CD1B: variants seen among roughly 807,000 people sequenced by gnomAD.
CD1B encodes the protein T-cell surface glycoprotein CD1b.
CD1B carries 43 observed loss-of-function variants against 39.8 expected under a neutral mutation model. The observed-to-expected ratio is 1.08, with a 90% CI of 0.85 to 1.39. The LOEUF (loss-of-function observed/expected upper bound fraction) is 1.39. Among genes scored for constraint, CD1B ranks in the 40% most tolerant of loss-of-function variants. CD1B has a pLI of 0.00. For synonymous variants in CD1B, 192 were observed against 152.5 expected (o/e 1.26, Z -1.91); for missense variants, 495 against 403.8 (o/e 1.23, Z -1.94).
At chr1:158,312,335 C>G in the CD1B span, among the ~76,000 whole-genome samples, 4 of 152,310 alleles carry the variant, frequency 2.6e-5, no homozygotes, top group Admixed American at 6.5e-5. Flanking sequence ...ACTCTCTTCT[C>G]TCTTGCTGCT....
intron 2 of CD1B, 166 bp downstream of exon 2, chr1:158,330,629 AG>A: frequency 1.3e-6 from 1 of 765,882 alleles, no homozygotes; most frequent in Non-Finnish European, 2.4e-6. Context: ...CTGAAATATG[AG>A]GTGTGATGGT....
the CD1B span, among the ~76,000 whole-genome samples, chr1:158,300,470 G>C: frequency 2.6e-5 from 4 of 152,178 alleles, no homozygotes; most frequent in Non-Finnish European, 5.9e-5. Flanking sequence ...ATTTGGGGTA[G>C]AGAGTACCGT....
chr1:158,288,596 T>C, the CD1B span, among the ~76,000 whole-genome samples: 1 of 152,240 alleles, frequency 6.6e-6, no homozygotes, highest in South Asian at 2.1e-4. Context: ...TCTAACTTTG[T>C]TGCCCAGGCT....
chr1:158,291,148 GTC>G, the CD1B span: 1 of 1,607,060 alleles, frequency 6.2e-7, no homozygotes, highest in South Asian at 1.1e-5. Context: ...CCAGGAACAC[GTC>G]TCCTTCCATG....
chr1:158,297,671 A>T, the CD1B span, among the ~76,000 whole-genome samples: 1 of 152,200 alleles, frequency 6.6e-6, no homozygotes, highest in Non-Finnish European at 1.5e-5. Flanking sequence ...ACCCTGGCTC[A>T]TGCCTGTAAT....
At chr1:158,293,575 G>T in the CD1B span, 1 of 1,613,426 alleles carries the variant, frequency 6.2e-7, no homozygotes. Context: ...CATTTAAATT[G>T]TTTCTCTTTC....
chr1:158,312,868 G>C, the CD1B span, among the ~76,000 whole-genome samples: 10 of 152,156 alleles, frequency 6.6e-5, no homozygotes. Context: ...ACCCTGGCTA[G>C]GAGTTCCAGT....
At chr1:158,320,038 T>C in the CD1B span, among the ~76,000 whole-genome samples, 1 of 152,236 alleles carries the variant, frequency 6.6e-6, no homozygotes, top group African/African-American at 2.4e-5. Context: ...TCCAGCTGCG[T>C]ACTGGGAGAA....
the CD1B span, among the ~76,000 whole-genome samples, chr1:158,305,380 G>A: frequency 0.38 from 57,089 of 151,320 alleles, 12,781 homozygotes; most frequent in African/African-American, 0.63. Context: ...AAGTTTAGAC[G>A]AAAAAGAATA....
rs774570127 is a variant in CD1B at position 158,330,061 on chromosome 1, C to G, written c.398G>C (p.Arg133Thr). Residue 133 changes from arginine (R) to threonine (T), a missense_variant, in exon 3 of 6, where the codon AGG becomes ACG. By Grantham distance (71) the Arg-to-Thr change is moderately conservative. Coordinates refer to ENST00000368168, the MANE Select transcript of CD1B (RefSeq NM_001764.3). ...HSGGAIVSFLRGALGGLDFLS... is the reference protein window; with the variant it reads ...HSGGAIVSFLTGALGGLDFLS... Reference sequence around the variant, plus strand: ...GAAATCCAATCCTCCTAGAGCTCCCCTCAGGAAGCTTACTATGGCACCTCC... The same window carrying G: ...GAAATCCAATCCTCCTAGAGCTCCCGTCAGGAAGCTTACTATGGCACCTCC... 6 of 1,613,760 alleles carry G rather than the reference C, an allele frequency of 3.7e-6. No homozygotes were observed. The South Asian group carries it at 6.6e-5, about 18-fold the overall frequency.
chr1:158,300,393 C>T, the CD1B span, among the ~76,000 whole-genome samples: 116 of 152,268 alleles, frequency 7.6e-4, no homozygotes, highest in Non-Finnish European at 1.2e-3. Context: ...GAGTGCTTTA[C>T]TTCCAATTTT....
downstream of CD1B, among the ~76,000 whole-genome samples, chr1:158,326,655 A>G (rs1023257912): frequency 5.3e-5 from 8 of 152,190 alleles, no homozygotes; most frequent in Admixed American, 3.9e-4. Flanking sequence ...TTACAGAAAG[A>G]CATGTTGAAA....
chr1:158,288,377 A>C, the CD1B span, among the ~76,000 whole-genome samples: 6 of 152,226 alleles, frequency 3.9e-5, no homozygotes, highest in Non-Finnish European at 7.3e-5. Context: ...AATTTAAAAC[A>C]GAAACAATGT....
downstream of CD1B, among the ~76,000 whole-genome samples, chr1:158,327,687 G>A (rs1281602145): frequency 4.6e-5 from 7 of 152,190 alleles, no homozygotes; most frequent in Non-Finnish European, 1.0e-4. Context: ...AATGCTGTGA[G>A]TAAAGTGTAA....
Position 158,329,466 on chromosome 1 carries a change from G to A in CD1B, c.790C>T (p.Arg264Ter), listed in dbSNP as rs576805034. 4.1e-5 allele frequency: 66 copies of A among 1,614,024 alleles called. No individual in the cohort carries two copies. Among genetic ancestry groups the A allele is most frequent in the Non-Finnish European group, 5.3e-5 (62 of 1,180,032 alleles). The change falls in exon 4 of 6, where the codon CGA becomes TGA. Residue 264 changes from arginine (R) to a stop codon, truncating the protein, a stop_gained. Transcript: ENST00000368168. LOFTEE classifies it high-confidence loss of function. ...CCATCTGCCACATCCAGGGTTGCTCGGAGATACCATGTCCAGTTAGCATTG... is the reference window on the plus strand; with the variant it reads ...CCATCTGCCACATCCAGGGTTGCTCAGAGATACCATGTCCAGTTAGCATTG... ...LPNANWTWYLRATLDVADGEA... is the reference protein window; with the variant it reads ...LPNANWTWYL
chr1:158,331,450 G>C lies in CD1B; in HGVS notation c.-27C>G, dbSNP rs1411225643. On this transcript the variant is annotated 5_prime_UTR_variant, in exon 1 of 6. Coordinates refer to ENST00000368168, the MANE Select transcript of CD1B (RefSeq NM_001764.3). ...TCACTGGGAGATGCAACTTCTTACT[G>C]GCAGAGCTGGTATTTGATCTCCAAT... is the stretch of plus-strand genomic sequence containing the variant. 1.9e-6 allele frequency: 3 copies of C among 1,594,472 alleles called. No homozygotes were observed. The South Asian group carries it at 3.3e-5, about 18-fold the overall frequency.
At chr1:158,314,174 T>G in the CD1B span, among the ~76,000 whole-genome samples, 3 of 152,180 alleles carry the variant, frequency 2.0e-5, no homozygotes, top group Non-Finnish European at 2.9e-5. Context: ...AACCTCTGCC[T>G]CCCAGGTTCA....
chr1:158,305,690 G>A, the CD1B span, among the ~76,000 whole-genome samples: 1 of 152,166 alleles, frequency 6.6e-6, no homozygotes, highest in East Asian at 1.9e-4. Context: ...AGAAAGGTGG[G>A]GTTACCCACA....
At chr1:158,330,369 G>A (rs962085232) in intron 2 of CD1B, among the ~76,000 whole-genome samples, 15 of 152,156 alleles carry the variant, frequency 9.9e-5, no homozygotes, top group South Asian at 2.1e-4. Flanking sequence ...AAGGAGAGGT[G>A]AGGCAGAGCG....
Sources: allele counts gnomAD v4.1 joint callset (sites outside exome capture counted in the v4.1 genomes callset), GRCh38; gene constraint gnomAD v4.1.1; transcripts MANE v1.5; gene names NCBI Gene and HGNC (gene_info 2026-07-23, HGNC 2026-07-21).